The following TSPAN4 variants were observed in gnomAD, a reference collection of about 807,000 sequenced individuals.
The protein encoded by TSPAN4 is tetraspanin-4.
In TSPAN4, 38 loss-of-function variants were observed where a neutral mutation model predicts 31.5. The ratio of observed to expected loss-of-function variants is 1.21; its 90% CI spans 0.93 to 1.58. TSPAN4 has a LOEUF of 1.58. TSPAN4 is among the 40% of genes most tolerant of loss of function. TSPAN4 has a pLI of 0.00. For missense variants in TSPAN4, 330 were observed against 317.3 expected (o/e 1.04, Z -0.30); for synonymous variants, 186 against 144.6 (o/e 1.29, Z -2.06).
Position 848,804 on chromosome 11 carries a change from G to A in TSPAN4, c.-17-1484G>A. On this transcript the variant is annotated intron_variant, in intron 2 of 8. Transcript: ENST00000397397. This position sits in a 1 kb window ranked among gnomAD's most constrained non-coding sequence, Gnocchi z 5.7. ...CCCTTGTGCCCTGTGGTGGGGCTGG[G>A]GCTTCAGAGGCGTGGGGTAGGCTGC... 1.6e-6 allele frequency: 1 copy of A among 607,954 alleles called. No homozygotes were observed. The highest frequency in any genetic ancestry group is 3.0e-6 in the Non-Finnish European group (1 of 332,574). The allele number at this position is 607,954 out of a possible 1,614,324, so 37.7% of individuals were successfully genotyped here. A position where few individuals can be genotyped will look rare whatever the true frequency, so the allele number is the denominator to read the frequency against.
At chr11:845,546 C>A (rs756647629) in intron 1 of TSPAN4, among the ~76,000 whole-genome samples, 1 of 152,112 alleles carries the variant, frequency 6.6e-6, no homozygotes, top group African/African-American at 2.4e-5. Flanking sequence ...CCTGATGTGC[C>A]CCCCCAGACT....
intron 5 of TSPAN4, chr11:864,736 A>C (rs997360542): frequency 3.3e-6 from 2 of 602,944 alleles, no homozygotes; most frequent in African/African-American, 3.7e-5. Context: ...CTGCTACCCC[A>C]CCCGGAGGGT....
chr11:862,833 C>G (rs1848538662), intron 4 of TSPAN4, 92 bp downstream of exon 4: 2 of 1,330,108 alleles, frequency 1.5e-6, no homozygotes, highest in South Asian at 1.5e-5. Context: ...AGTGACCCCC[C>G]AGACGTGGGC....
intron 3 of TSPAN4, among the ~76,000 whole-genome samples, chr11:859,310 C>T (rs1169480142): frequency 9.7e-5 from 8 of 82,136 alleles, no homozygotes; most frequent in African/African-American, 4.2e-4. Flanking sequence ...GGCTCACACG[C>T]ACCCCCCCTT....
At chr11:849,015 G>A in intron 2 of TSPAN4, 1 of 598,134 alleles carries the variant, frequency 1.7e-6, no homozygotes, top group Non-Finnish European at 3.1e-6. Flanking sequence ...ATGAAATTCT[G>A]GGCCCCTTGT....
rs574632143 is a variant in TSPAN4, at chr11:846,144, C to T, written c.-117-1057C>T. 7.2e-5 allele frequency among the ~76,000 whole-genome samples: 11 copies of T among 152,342 alleles called. No individual in the cohort carries two copies. In the South Asian group the frequency reaches 1.9e-3, roughly 26 times the overall value. On this transcript the variant is annotated intron_variant, in intron 1 of 8. Coordinates refer to ENST00000397397, the MANE Select transcript of TSPAN4 (RefSeq NM_003271.5). ...GCTTGGCTCTGCTGTCTGTCCTGAG[C>T]TGCCCCTGCTGAGCTGTGTGGAGAC...
At chr11:857,638 C>G (rs1000994924) in intron 3 of TSPAN4, 1 of 152,174 alleles carries the variant, frequency 6.6e-6, no homozygotes, top group Non-Finnish European at 1.5e-5. Flanking sequence ...CTCCTGACCT[C>G]GTGATCTGCC....
chr11:864,535 C>T (rs757583894), intron 5 of TSPAN4, 24 bp downstream of exon 5: 30 of 1,610,512 alleles, frequency 1.9e-5, no homozygotes, highest in Non-Finnish European at 2.5e-5. Flanking sequence ...GGCCGCAGGC[C>T]CAACTGCAGG....
chr11:856,104 T>G (rs1848029316), intron 3 of TSPAN4, among the ~76,000 whole-genome samples: 1 of 151,898 alleles, frequency 6.6e-6, no homozygotes, highest in African/African-American at 2.4e-5. Context: ...CTGTCCAGAC[T>G]GGAAAAGAAG....
intron 3 of TSPAN4, chr11:857,877 C>T (rs1848150460): frequency 6.6e-6 from 1 of 152,356 alleles, no homozygotes; most frequent in Non-Finnish European, 1.5e-5. Context: ...CCTGGGGCCT[C>T]GTTTCCCTCT....
intron 1 of TSPAN4, 154 bp downstream of exon 1, chr11:843,069 G>A (rs1362375722): frequency 2.6e-5 from 4 of 152,118 alleles, no homozygotes; most frequent in Admixed American, 1.3e-4. Flanking sequence ...CGGGGGCTCG[G>A]GGAGAGGGCG....
In TSPAN4 at chr11:848,304, G is replaced by A. The variant is rs944329968; in HGVS notation, c.-18+1004G>A. On this transcript the variant is annotated intron_variant, in intron 2 of 8. Transcript: ENST00000397397. This position sits in a 1 kb window ranked among gnomAD's most constrained non-coding sequence, Gnocchi z 5.7. Reference sequence around the variant, plus strand: ...CCAGACCCACCAAAGAACCCCCAGGGGAAGGACAGGGTAGGGGCCATGGGA... The same window carrying A: ...CCAGACCCACCAAAGAACCCCCAGGAGAAGGACAGGGTAGGGGCCATGGGA... 6.6e-6 allele frequency among the ~76,000 whole-genome samples: 1 copy of A among 152,222 alleles called. No homozygotes were observed. The highest frequency in any genetic ancestry group is 1.5e-5 in the Non-Finnish European group (1 of 68,024).
At chr11:844,492 C>T (rs1847183658) in intron 1 of TSPAN4, 1 of 152,330 alleles carries the variant, frequency 6.6e-6, no homozygotes, top group Admixed American at 6.5e-5. Context: ...GCCCCCACCA[C>T]ATATGTGCGG....
chr11:855,755 G>T (rs2134020441), intron 3 of TSPAN4, among the ~76,000 whole-genome samples: 1 of 152,340 alleles, frequency 6.6e-6, no homozygotes, highest in South Asian at 2.1e-4. Context: ...GTCATCCCTG[G>T]AAACCAGCAT....
chr11:857,302 C>T (rs1054154966), intron 3 of TSPAN4: 1 of 152,188 alleles, frequency 6.6e-6, no homozygotes, highest in Non-Finnish European at 1.5e-5. Context: ...TTCGACACAT[C>T]CCCATGGGGC....
chr11:851,469 C>T (rs932771023), intron 3 of TSPAN4, among the ~76,000 whole-genome samples: 8 of 152,186 alleles, frequency 5.3e-5, no homozygotes, highest in Middle Eastern at 3.2e-3. Flanking sequence ...CTTCCCACCT[C>T]TCCCCTCCTG....
chr11:850,025 C>G, intron 2 of TSPAN4: 1 of 225,538 alleles, frequency 4.4e-6, no homozygotes, highest in Non-Finnish European at 8.6e-6. Flanking sequence ...CACACCCGGG[C>G]GCGATGCGCC....
Position 866,953 on chromosome 11 carries a change from C to T in TSPAN4, c.*323C>T, listed in dbSNP as rs887179505. 4.1e-6 allele frequency: 1 copy of T among 246,128 alleles called. No individual in the cohort carries two copies. The highest frequency in any genetic ancestry group is 2.2e-5 in the African/African-American group (1 of 44,598). The allele number at this position is 246,128 out of a possible 1,614,324, so 15.2% of individuals were successfully genotyped here. On this transcript the variant is annotated 3_prime_UTR_variant, in exon 9 of 9. Coordinates refer to ENST00000397397, the MANE Select transcript of TSPAN4 (RefSeq NM_003271.5). ...CGGGAGCCAGCCTGTGGCCCCCAGC[C>T]TCCTGGAAAACAGGTTGGCGCTGGA...
chr11:847,461 C>A (rs1323448485), intron 2 of TSPAN4, among the ~76,000 whole-genome samples, 161 bp downstream of exon 2: 8 of 152,170 alleles, frequency 5.3e-5, no homozygotes, highest in Non-Finnish European at 5.9e-5. Context: ...ACTTTGGAGA[C>A]AGGGTCCCAG....
Sources: gnomAD v4.1 joint callset for allele counts (sites outside exome capture counted in the v4.1 genomes callset) on GRCh38, gnomAD v4.1.1 for gene constraint, Gnocchi (gnomAD v3.1) non-coding constraint, MANE v1.5 for transcripts, NCBI Gene and HGNC (gene_info 2026-07-23, HGNC 2026-07-21) for gene names.